The following CADPS variants were observed in gnomAD, a reference collection of about 807,000 sequenced individuals.
CADPS encodes the protein calcium-dependent secretion activator 1.
CADPS carries 57 observed loss-of-function variants against 167.3 expected under a neutral mutation model. That is an observed-to-expected ratio of 0.34 (90% CI 0.28 to 0.42). CADPS has a LOEUF of 0.42. CADPS is among the 20% of genes least tolerant of loss of function. The pLI is 1.00. For synonymous variants in CADPS, 676 were observed against 635.3 expected, an observed-to-expected ratio of 1.06 and a Z score of -0.96; for missense variants, 1,414 against 1,738.1, an observed-to-expected ratio of 0.81 and a Z score of 3.32.
At chr3:62,487,093 C>A (rs1576684002) in intron 21 of CADPS, among the ~76,000 whole-genome samples, 1 of 152,302 alleles carries the variant, frequency 6.6e-6, no homozygotes, top group East Asian at 1.9e-4. Flanking sequence ...ACCCCACCTC[C>A]AGAGTTAAGT....
chr3:62,836,491 G>T (rs1302568854), intron 1 of CADPS, among the ~76,000 whole-genome samples: 1 of 152,078 alleles, frequency 6.6e-6, no homozygotes, highest in African/African-American at 2.4e-5. Context: ...TGCAAGTTAA[G>T]GGAAAAGTGC....
chr3:62,567,564 CTTTTTTTTTTTTTTTTT>C (rs10561022), intron 9 of CADPS, among the ~76,000 whole-genome samples: 26 of 33,820 alleles, frequency 7.7e-4, no homozygotes, highest in East Asian at 2.5e-3. Context: ...CTAAGCACTG[CTTTTTTTTTTTTTTTTT>C]TTTTTTTTTT....
chr3:62,639,173 C>T (rs753113662), intron 6 of CADPS, among the ~76,000 whole-genome samples: 3 of 152,198 alleles, frequency 2.0e-5, no homozygotes, highest in Admixed American at 2.0e-4. Context: ...TACTTTCTCC[C>T]AACCTACGTA....
intron 3 of CADPS, among the ~76,000 whole-genome samples, chr3:62,713,787 C>A (rs1416934848): frequency 6.6e-6 from 1 of 152,094 alleles, no homozygotes; most frequent in African/African-American, 2.4e-5. Flanking sequence ...AGGAGTGATA[C>A]TGTAACCCAG....
At chr3:62,484,686 T>C (rs2062543163) in intron 21 of CADPS, among the ~76,000 whole-genome samples, 1 of 152,322 alleles carries the variant, frequency 6.6e-6, no homozygotes, top group Non-Finnish European at 1.5e-5. Flanking sequence ...TGTGTGCACG[T>C]CTCATCATTT....
intron 6 of CADPS, among the ~76,000 whole-genome samples, chr3:62,622,484 C>T (rs2063349815): frequency 1.3e-5 from 2 of 152,090 alleles, no homozygotes; most frequent in South Asian, 4.1e-4. Context: ...CAATTGTAGG[C>T]TTTCCAATTT....
intron 3 of CADPS, among the ~76,000 whole-genome samples, chr3:62,667,671 T>C (rs1158432481): frequency 6.6e-6 from 1 of 151,984 alleles, no homozygotes; most frequent in Non-Finnish European, 1.5e-5. Flanking sequence ...CAAGGCAACC[T>C]CATGCAGCCC....
chr3:62,698,723 C>T (rs185821184), intron 3 of CADPS, among the ~76,000 whole-genome samples: 73 of 142,732 alleles, frequency 5.1e-4, no homozygotes, highest in Non-Finnish European at 9.1e-4. Context: ...TCCTTTCCTC[C>T]CCACTTCCTT....
At chr3:62,870,046 T>G (rs1213587329) in intron 1 of CADPS, among the ~76,000 whole-genome samples, 1 of 152,160 alleles carries the variant, frequency 6.6e-6, no homozygotes, top group African/African-American at 2.4e-5. Context: ...AGGGGTGTAA[T>G]GAGGCAAGAA....
chr3:62,470,455 C>A (rs1031942052), intron 24 of CADPS, among the ~76,000 whole-genome samples: 1 of 152,188 alleles, frequency 6.6e-6, no homozygotes, highest in East Asian at 1.9e-4. Context: ...AGCAACTCAG[C>A]TTTACTTTGG....
intron 13 of CADPS, among the ~76,000 whole-genome samples, chr3:62,531,384 G>A (rs994450682): frequency 2.0e-5 from 3 of 152,022 alleles, no homozygotes; most frequent in African/African-American, 7.2e-5. Flanking sequence ...TCACGTGCTG[G>A]GCTAGCAAAC....
intron 26 of CADPS, among the ~76,000 whole-genome samples, chr3:62,460,599 T>C (rs1385839866): frequency 1.3e-5 from 2 of 152,220 alleles, no homozygotes; most frequent in Non-Finnish European, 2.9e-5. Context: ...GAAGTGAATG[T>C]CATTGATTCA....
At chr3:62,780,394 G>T (rs2091344822) in intron 1 of CADPS, among the ~76,000 whole-genome samples, 1 of 151,734 alleles carries the variant, frequency 6.6e-6, no homozygotes, top group Admixed American at 6.6e-5. Flanking sequence ...CTCCAGCCTG[G>T]GTGACAGAGA....
At position 62,551,981 on chromosome 3, in the gene CADPS, T is replaced by A. The variant is rs948841734; in HGVS notation, c.1754-1866A>T. 3.3e-5 allele frequency among the ~76,000 whole-genome samples: 5 copies of A among 152,282 alleles called. No individual in the cohort carries two copies. In the East Asian group the frequency reaches 9.6e-4, roughly 29 times the overall value. ...AAACTATATAATTTACTTTGCTTCA[T>A]AAGTGCAGGTAGTTTTTGTCTATTT... On this transcript the variant is annotated intron_variant, in intron 10 of 29. Coordinates refer to ENST00000383710, the MANE Select transcript of CADPS (RefSeq NM_003716.4).
At chr3:62,699,702 G>T (rs2081036952) in intron 3 of CADPS, among the ~76,000 whole-genome samples, 1 of 152,034 alleles carries the variant, frequency 6.6e-6, no homozygotes, top group Non-Finnish European at 1.5e-5. Flanking sequence ...CTGAGTAGCT[G>T]GGATTACAGG....
At chr3:62,732,863 T>C (rs1196503647) in intron 3 of CADPS, among the ~76,000 whole-genome samples, 1 of 152,202 alleles carries the variant, frequency 6.6e-6, no homozygotes, top group Admixed American at 6.5e-5. Flanking sequence ...GTGAGGAGAC[T>C]GAGGTTCAGA....
At chr3:62,773,466 G>A (rs1430321595) in intron 1 of CADPS, among the ~76,000 whole-genome samples, 2 of 152,060 alleles carry the variant, frequency 1.3e-5, no homozygotes, top group African/African-American at 4.8e-5. Context: ...AAAACATATT[G>A]AAGGTGGGGA....
In CADPS at chr3:62,514,075, T is replaced by C. The variant is rs942201702; in HGVS notation, c.2582-1307A>G. On this transcript the variant is annotated intron_variant, in intron 16 of 29. Coordinates refer to ENST00000383710, the MANE Select transcript of CADPS (RefSeq NM_003716.4). The surrounding 1 kb of genome is among the most constrained non-coding windows in gnomAD (Gnocchi z 4.2). ...CTCTTGAGGTATTTCTTCATAAACATAGTCTCCAGCAATATTACTACAACT... is the reference window on the plus strand; with the variant it reads ...CTCTTGAGGTATTTCTTCATAAACACAGTCTCCAGCAATATTACTACAACT... Among the ~76,000 whole-genome samples, 1 of 152,084 alleles carries C rather than the reference T, an allele frequency of 6.6e-6. No homozygotes were observed. Among genetic ancestry groups the C allele is most frequent in the Non-Finnish European group, 1.5e-5 (1 of 67,986 alleles).
Position 62,874,724 on chromosome 3 carries a change from C to T in CADPS, c.306G>A (p.Lys102=). 1 of 1,533,558 alleles carries T rather than the reference C, an allele frequency of 6.5e-7. No homozygotes were observed. The highest frequency in any genetic ancestry group is 8.8e-7 in the Non-Finnish European group (1 of 1,130,778). The allele number at this position is 1,533,558 out of a possible 1,614,324, so 95.0% of individuals were successfully genotyped here. ...CTTTCTGCAGCCGCTCCAACTCTTC[C>T]TTCTCCTTCTCGCTCACCACCGACG... is the stretch of plus-strand genomic sequence containing the variant. ...PSPSVVSEKE[K]EELERLQKEE... The change falls in exon 1 of 30, where the codon AAG becomes AAA. Residue 102 remains lysine, a synonymous_variant. Coordinates refer to ENST00000383710, the MANE Select transcript of CADPS (RefSeq NM_003716.4). This position sits in a 1 kb window ranked among gnomAD's most constrained non-coding sequence, Gnocchi z 7.1.
Sources: gnomAD v4.1 joint callset for allele counts (sites outside exome capture counted in the v4.1 genomes callset) on GRCh38, gnomAD v4.1.1 for gene constraint, Gnocchi (gnomAD v3.1) non-coding constraint, MANE v1.5 for transcripts, NCBI Gene and HGNC (gene_info 2026-07-23, HGNC 2026-07-21) for gene names.